Variants in CD84 observed in about 807,000 individuals in gnomAD.
CD84 encodes the protein SLAM family member 5.
Under a neutral mutation model 33.8 loss-of-function variants are expected in CD84, and 22 were observed. That is an observed-to-expected ratio of 0.65 (90% CI 0.46 to 0.93). The LOEUF (loss-of-function observed/expected upper bound fraction) is 0.93. CD84 is among the 40% of genes least tolerant of loss of function. The pLI, the probability that CD84 is intolerant of heterozygous loss-of-function variation, is 0.00. For missense variants in CD84, 400 were observed against 397.6 expected, an observed-to-expected ratio of 1.01 and a Z score of -0.05; for synonymous variants, 154 against 145.2, an observed-to-expected ratio of 1.06 and a Z score of -0.44.
chr1:160,575,948 C>T (rs1201901978), intron 1 of CD84, among the ~76,000 whole-genome samples: 1 of 152,204 alleles, frequency 6.6e-6, no homozygotes, highest in African/African-American at 2.4e-5. Flanking sequence ...AACAGCTTTC[C>T]ACCCTCTGTT....
rs370639364 is a variant in CD84, at chr1:160,551,056, G to A, written c.761-21C>T. On this transcript the variant is annotated intron_variant, in intron 4 of 6. Coordinates refer to ENST00000368054, the MANE Select transcript of CD84 (RefSeq NM_003874.4). ...AGCATCTGTCTCACAAATAAATATA[G>A]ACCCACAGTCTGTGAAAGGTGGTTT... 1.9e-6 allele frequency: 3 copies of A among 1,561,334 alleles called. No individual in the cohort carries two copies. In the African/African-American group the frequency reaches 4.1e-5, roughly 21 times the overall value.
chr1:160,547,461 A>C lies in CD84; in HGVS notation c.*795T>G, dbSNP rs1655894180. ...ATAAGGCTTCTGAAGTAGCACTCCAAGAAAAGTGTCCCAGCAGTCTCTAGA... is the reference window on the plus strand; with the variant it reads ...ATAAGGCTTCTGAAGTAGCACTCCACGAAAAGTGTCCCAGCAGTCTCTAGA... On this transcript the variant is annotated 3_prime_UTR_variant, in exon 7 of 7. Coordinates refer to ENST00000368054, the MANE Select transcript of CD84 (RefSeq NM_003874.4). 1 of 339,914 alleles carries C rather than the reference A, an allele frequency of 2.9e-6. No individual in the cohort carries two copies. The highest frequency in any genetic ancestry group is 4.8e-5 in the Admixed American group (1 of 20,862). The allele number at this position is 339,914 out of a possible 1,614,324, so 21.1% of individuals were successfully genotyped here.
chr1:160,549,655 G>C (rs778592693), intron 6 of CD84, among the ~76,000 whole-genome samples: 1 of 152,270 alleles, frequency 6.6e-6, no homozygotes, highest in African/African-American at 2.4e-5. Flanking sequence ...TTCCCATACC[G>C]TAGTTCAGAG....
At position 160,565,578 on chromosome 1, in the gene CD84, G is replaced by T; in HGVS notation, c.214C>A (p.Pro72Thr). The T allele has an allele frequency of 6.2e-7, 1 of 1,613,970 alleles. No individual in the cohort carries two copies. Among genetic ancestry groups the T allele is most frequent in the Non-Finnish European group, 8.5e-7 (1 of 1,179,916 alleles). Residue 72 changes from proline (P) to threonine (T), a missense_variant, in exon 2 of 7, where the codon CCC (proline) becomes ACC (threonine). Pro to Thr is a conservative substitution (Grantham distance 38, BLOSUM62 -1). Transcript: ENST00000368054. ...YVTPGDSETA[P>T]VVTVTHRNYY... Reference sequence around the variant, plus strand: ...TTTCTGTGGGTCACAGTAACTACGGGTGCTGTTTCTGAGTCTCCTGGTGTT... The same window carrying T: ...TTTCTGTGGGTCACAGTAACTACGGTTGCTGTTTCTGAGTCTCCTGGTGTT...
chr1:160,552,419 T>C (rs767393833), intron 4 of CD84, among the ~76,000 whole-genome samples: 5 of 152,232 alleles, frequency 3.3e-5, no homozygotes, highest in Non-Finnish European at 5.9e-5. Context: ...AGCTAACATT[T>C]ATCAAGTACT....
At chr1:160,562,213 AT>A (rs1260582141) in intron 2 of CD84, among the ~76,000 whole-genome samples, 4 of 152,210 alleles carry the variant, frequency 2.6e-5, no homozygotes, top group Non-Finnish European at 2.9e-5. Context: ...TCTTCATAGA[AT>A]TAGAAAAAAC....
intron 2 of CD84, among the ~76,000 whole-genome samples, chr1:160,560,667 A>G (rs1210183119): frequency 6.6e-6 from 1 of 152,198 alleles, no homozygotes; most frequent in East Asian, 1.9e-4. Context: ...AAGGAGACAG[A>G]GACACAAAAA....
At chr1:160,577,571 CA>C (rs1658052873) in intron 1 of CD84, among the ~76,000 whole-genome samples, 1 of 152,144 alleles carries the variant, frequency 6.6e-6, no homozygotes, top group Non-Finnish European at 1.5e-5. Flanking sequence ...CTCAAACTCC[CA>C]CCACCTTTTC....
intron 2 of CD84, among the ~76,000 whole-genome samples, chr1:160,564,839 C>T (rs866975089): frequency 6.6e-5 from 10 of 152,108 alleles, no homozygotes; most frequent in Admixed American, 1.3e-4. Context: ...AGTGGTTACA[C>T]AAAACTACCC....
chr1:160,559,315 G>C (rs1179163039), intron 2 of CD84, among the ~76,000 whole-genome samples: 3 of 152,184 alleles, frequency 2.0e-5, no homozygotes, highest in East Asian at 1.9e-4. Context: ...GAAGAGATTG[G>C]GGGCCAATAG....
At chr1:160,560,376 CA>C (rs1358338362) in intron 2 of CD84, among the ~76,000 whole-genome samples, 1 of 152,096 alleles carries the variant, frequency 6.6e-6, no homozygotes, top group East Asian at 1.9e-4. Flanking sequence ...GGAAATTCAA[CA>C]ATCTGTTCCT....
At chr1:160,568,455 A>G (rs1657460892) in intron 1 of CD84, among the ~76,000 whole-genome samples, 2 of 152,106 alleles carry the variant, frequency 1.3e-5, no homozygotes. Context: ...GCACATGTTT[A>G]AGATGAAGAT....
At chr1:160,569,498 C>A (rs1657544440) in intron 1 of CD84, among the ~76,000 whole-genome samples, 1 of 148,886 alleles carries the variant, frequency 6.7e-6, no homozygotes, top group African/African-American at 2.5e-5. Flanking sequence ...GAATTTGATA[C>A]CCGGTTAGGG....
chr1:160,568,982 C>G (rs888427553), intron 1 of CD84, among the ~76,000 whole-genome samples: 18 of 152,156 alleles, frequency 1.2e-4, no homozygotes, highest in Non-Finnish European at 2.5e-4. Flanking sequence ...TGGTGAGCAG[C>G]AAATGATGTA....
intron 2 of CD84, 42 bp downstream of exon 2, chr1:160,565,362 A>T (rs1391007474): frequency 2.0e-5 from 30 of 1,481,202 alleles, no homozygotes; most frequent in Non-Finnish European, 2.6e-5. Flanking sequence ...AAACTTGCAA[A>T]GTAAAAATAA....
chr1:160,552,567 T>A, intron 4 of CD84: 1 of 619,020 alleles, frequency 1.6e-6, no homozygotes, highest in Non-Finnish European at 3.0e-6. Flanking sequence ...ATAAAAAAAC[T>A]GGTAGCTGAT....
chr1:160,570,421 T>C lies in CD84; in HGVS notation c.47-4676A>G, dbSNP rs545462533. ...TTGTTCCCTCCTTCATTCTTATTAA[T>C]AGAATCACTAATTTTTAGCAGGGCA... On this transcript the variant is annotated intron_variant, in intron 1 of 6. Transcript: ENST00000368054. Among the ~76,000 whole-genome samples the C allele has an allele frequency of 5.9e-5, 9 of 152,332 alleles. No individual in the cohort carries two copies. In the South Asian group the frequency reaches 1.7e-3, roughly 28 times the overall value.
intron 1 of CD84, among the ~76,000 whole-genome samples, chr1:160,567,297 TCA>T (rs1465599330): frequency 3.9e-5 from 6 of 152,216 alleles, no homozygotes; most frequent in Admixed American, 1.3e-4. Flanking sequence ...TGGTGTTGTC[TCA>T]CTATGGCTAC....
In CD84 at chr1:160,549,933, A is replaced by C. The variant is rs753916342; in HGVS notation, c.905T>G (p.Val302Gly). 10 of 1,612,556 alleles carry C rather than the reference A, an allele frequency of 6.2e-6. 1 individual carries two copies. In the South Asian group the frequency reaches 1.1e-4, roughly 18 times the overall value. ...EEPVNTVYSE[V>G]QFADKMGKAS... ...AGGGGTTACCTTATCAGCAAACTGC[A>C]CTTCGGAATAAACTGTGTTCACTGG... The change falls in exon 6 of 7, where the codon GTG (valine) becomes GGG (glycine). Residue 302 changes from valine to glycine, a missense_variant. Transcript: ENST00000368054.
Sources: allele counts gnomAD v4.1 joint callset (sites outside exome capture counted in the v4.1 genomes callset), GRCh38; gene constraint gnomAD v4.1.1; transcripts MANE v1.5; gene names NCBI Gene and HGNC (gene_info 2026-07-23, HGNC 2026-07-21).